Variants in CREB5 observed in about 807,000 individuals in gnomAD.
The protein encoded by CREB5 is cAMP responsive element binding protein 5.
CREB5 carries 19 observed loss-of-function variants against 57.1 expected under a neutral mutation model. The ratio of observed to expected loss-of-function variants is 0.33; its 90% CI spans 0.23 to 0.49. CREB5 has a LOEUF of 0.49. Among genes scored for constraint, CREB5 ranks in the 20% least tolerant of loss-of-function variants. The pLI, the probability that CREB5 is intolerant of heterozygous loss-of-function variation, is 0.99. For missense variants in CREB5, 579 were observed against 671.6 expected (o/e 0.86, Z 1.52); for synonymous variants, 238 against 238.3 (o/e 1.00, Z 0.01).
chr7:28,343,610 T>C (rs1785978413), intron 1 of CREB5, among the ~76,000 whole-genome samples: 1 of 152,266 alleles, frequency 6.6e-6, no homozygotes, highest in South Asian at 2.1e-4. Flanking sequence ...ACATTTTCTT[T>C]ATCCATTCAT....
At chr7:28,459,605 C>T (rs12666636) in intron 1 of CREB5, among the ~76,000 whole-genome samples, 176 of 152,060 alleles carry the variant, frequency 1.2e-3, no homozygotes, top group Middle Eastern at 6.8e-3. Context: ...TGCTTCAGCC[C>T]GAGGCAGATG....
chr7:28,344,881 A>C (rs2127989457), intron 1 of CREB5, among the ~76,000 whole-genome samples: 1 of 152,340 alleles, frequency 6.6e-6, no homozygotes, highest in Admixed American at 6.5e-5. Context: ...GATAAAATAG[A>C]CTTCAATAAA....
chr7:28,314,341 C>T (rs865774263), intron 1 of CREB5, among the ~76,000 whole-genome samples: 28 of 152,316 alleles, frequency 1.8e-4, no homozygotes, highest in Middle Eastern at 6.8e-3. Context: ...AGTATTAGAA[C>T]ATTCATTACT....
Position 28,435,636 on chromosome 7 carries a change from A to C in CREB5, c.3+22719A>C, listed in dbSNP as rs79835348. 5,891 of 985,188 alleles carry C rather than the reference A, an allele frequency of 6.0e-3. 17 individuals are homozygous for C. The highest frequency in any genetic ancestry group is 6.6e-3 in the Non-Finnish European group (5,472 of 829,824). 61.0% of individuals were successfully genotyped at this position (985,188 alleles called of 1,614,324 possible). ...CAAGTTTTAGTGGTGGAGTCAATTT[A>C]TTTCTGAAACGATCTCATTTACCTG... On this transcript the variant is annotated intron_variant, in intron 1 of 10. Coordinates refer to ENST00000357727, the MANE Select transcript of CREB5 (RefSeq NM_182898.4).
chr7:28,668,292 T>C (rs1167330605), intron 5 of CREB5, among the ~76,000 whole-genome samples: 1 of 152,206 alleles, frequency 6.6e-6, no homozygotes, highest in Non-Finnish European at 1.5e-5. Context: ...TATAGCATCT[T>C]TTAATTGAAG....
chr7:28,461,985 A>G (rs762063716), intron 1 of CREB5, among the ~76,000 whole-genome samples: 1 of 152,140 alleles, frequency 6.6e-6, no homozygotes, highest in Non-Finnish European at 1.5e-5. Flanking sequence ...TGATCACAGA[A>G]TTGTGTAATT....
chr7:28,335,032 G>A (rs1785795696), intron 1 of CREB5, among the ~76,000 whole-genome samples: 1 of 151,982 alleles, frequency 6.6e-6, no homozygotes, highest in Non-Finnish European at 1.5e-5. Context: ...TTTGTTTATG[G>A]GTTCTCTATT....
At chr7:28,637,009 C>T (rs1798446810) in intron 5 of CREB5, among the ~76,000 whole-genome samples, 1 of 151,872 alleles carries the variant, frequency 6.6e-6, no homozygotes, top group Admixed American at 6.6e-5. Context: ...CAAAAATTAG[C>T]CAGGTATGGT....
intron 7 of CREB5, among the ~76,000 whole-genome samples, chr7:28,780,062 G>A (rs979344697): frequency 6.6e-6 from 1 of 152,088 alleles, no homozygotes; most frequent in Non-Finnish European, 1.5e-5. Flanking sequence ...GAGCCACCAC[G>A]CCCAGCCATG....
chr7:28,662,147 C>T (rs1013182389), intron 5 of CREB5, among the ~76,000 whole-genome samples: 1 of 151,876 alleles, frequency 6.6e-6, no homozygotes, highest in African/African-American at 2.4e-5. Flanking sequence ...CAAGAGTAGA[C>T]AAAAAAGGAG....
chr7:28,478,579 T>TA (rs1341101281), intron 1 of CREB5, among the ~76,000 whole-genome samples: 1 of 151,980 alleles, frequency 6.6e-6, no homozygotes, highest in Non-Finnish European at 1.5e-5. Context: ...TATTTAAGTA[T>TA]AAAAAAAGAA....
At chr7:28,675,087 T>A (rs1800252089) in intron 5 of CREB5, among the ~76,000 whole-genome samples, 1 of 152,186 alleles carries the variant, frequency 6.6e-6, no homozygotes, top group Non-Finnish European at 1.5e-5. Context: ...CACTAATCAA[T>A]CCTCAGGTAA....
At chr7:28,486,023 A>G (rs569909931) in intron 1 of CREB5, among the ~76,000 whole-genome samples, 2 of 152,314 alleles carry the variant, frequency 1.3e-5, no homozygotes, top group South Asian at 4.1e-4. Flanking sequence ...TAAGACAGTA[A>G]AGGATTTTGA....
chr7:28,633,819 T>C (rs1798300793), intron 5 of CREB5, among the ~76,000 whole-genome samples: 1 of 152,194 alleles, frequency 6.6e-6, no homozygotes, highest in Admixed American at 6.5e-5. Context: ...CCCTTGGTCA[T>C]ACATCTTCAA....
At chr7:28,514,280 G>T (rs1343536853) in intron 4 of CREB5, among the ~76,000 whole-genome samples, 2 of 152,230 alleles carry the variant, frequency 1.3e-5, no homozygotes, top group Non-Finnish European at 2.9e-5. Context: ...GTGAAGGGGG[G>T]AGGTGGTTGT....
intron 4 of CREB5, among the ~76,000 whole-genome samples, chr7:28,560,961 CGTGTGTGTGT>C (rs1255407006): frequency 6.7e-4 from 16 of 23,892 alleles, no homozygotes; most frequent in African/African-American, 7.7e-4. Flanking sequence ...CGTGTGTGTG[CGTGTGTGTGT>C]GCGTGTGTGC....
At chr7:28,683,394 G>A (rs534689529) in intron 5 of CREB5, among the ~76,000 whole-genome samples, 1 of 152,300 alleles carries the variant, frequency 6.6e-6, no homozygotes, top group East Asian at 1.9e-4. Context: ...CGAACAACAA[G>A]TGCAAATGTA....
chr7:28,735,557 C>CAA (rs1803926191), intron 7 of CREB5, among the ~76,000 whole-genome samples: 1 of 152,126 alleles, frequency 6.6e-6, no homozygotes, highest in Non-Finnish European at 1.5e-5. Flanking sequence ...GAAAGTTAAA[C>CAA]AGAAAATATA....
At chr7:28,371,948 GACTTAGAGGGTT>G (rs1786714097) in intron 1 of CREB5, among the ~76,000 whole-genome samples, 16 of 152,102 alleles carry the variant, frequency 1.1e-4, no homozygotes, top group Admixed American at 1.0e-3. Context: ...AATGGCCCAG[GACTTAGAGGGTT>G]AAGATATCAG....
Sources: allele counts gnomAD v4.1 joint callset (sites outside exome capture counted in the v4.1 genomes callset), GRCh38; gene constraint gnomAD v4.1.1; transcripts MANE v1.5; gene names NCBI Gene and HGNC (gene_info 2026-07-23, HGNC 2026-07-21).